Variants in NCKAP5 observed in about 807,000 individuals in gnomAD.
NCKAP5 encodes NCK associated protein 5, also known as nck-associated protein 5.
In NCKAP5, 92 loss-of-function variants were observed where a neutral mutation model predicts 167.0. The observed-to-expected ratio is 0.55, with a 90% CI of 0.47 to 0.66. The LOEUF (loss-of-function observed/expected upper bound fraction) is 0.66. Ranked by LOEUF, NCKAP5 falls within the 30% of genes least tolerant of loss-of-function variation. The pLI is 0.00. For synonymous variants in NCKAP5, 891 were observed against 877.4 expected (o/e 1.02, Z -0.27); for missense variants, 2,378 against 2,315.0 (o/e 1.03, Z -0.56).
the NCKAP5 span, among the ~76,000 whole-genome samples, chr2:133,635,481 A>C: frequency 2.0e-5 from 3 of 152,232 alleles, no homozygotes; most frequent in Admixed American, 1.3e-4. Context: ...GACCTAACAT[A>C]GAAATAAAAC....
At chr2:132,897,183 C>G (rs1693272638) in intron 8 of NCKAP5, among the ~76,000 whole-genome samples, 1 of 152,162 alleles carries the variant, frequency 6.6e-6, no homozygotes, top group African/African-American at 2.4e-5. Flanking sequence ...ATGAGAGGGT[C>G]AGCAAACCTC....
intron 19 of NCKAP5, among the ~76,000 whole-genome samples, chr2:132,690,305 G>T (rs941074490): frequency 6.6e-6 from 1 of 152,196 alleles, no homozygotes; most frequent in South Asian, 2.1e-4. Context: ...ACTGTGTCCT[G>T]TCCAGGGCTG....
chr2:133,608,370 C>T, the NCKAP5 span, among the ~76,000 whole-genome samples: 1 of 152,146 alleles, frequency 6.6e-6, no homozygotes, highest in African/African-American at 2.4e-5. Context: ...CTTGGGTCAC[C>T]TTTATCAAAA....
chr2:133,144,001 T>C (rs2083095992), intron 5 of NCKAP5, among the ~76,000 whole-genome samples: 1 of 152,060 alleles, frequency 6.6e-6, no homozygotes, highest in Admixed American at 6.6e-5. Context: ...CATTTAAGCC[T>C]CTCCCTTTCC....
At chr2:132,901,578 A>G (rs1693632903) in intron 8 of NCKAP5, among the ~76,000 whole-genome samples, 3 of 152,222 alleles carry the variant, frequency 2.0e-5, no homozygotes, top group Admixed American at 1.3e-4. Context: ...GTGGAAACGC[A>G]TTAAGTAAAC....
At chr2:133,353,173 T>C (rs1684481334) in intron 3 of NCKAP5, among the ~76,000 whole-genome samples, 1 of 152,152 alleles carries the variant, frequency 6.6e-6, no homozygotes, top group Non-Finnish European at 1.5e-5. Flanking sequence ...AGAGCATTAG[T>C]ATTGGGACTT....
At chr2:133,299,158 T>C (rs1193105404) in intron 4 of NCKAP5, among the ~76,000 whole-genome samples, 1 of 152,204 alleles carries the variant, frequency 6.6e-6, no homozygotes, top group Non-Finnish European at 1.5e-5. Context: ...AAATAGAATA[T>C]TCTCTATTAC....
At chr2:133,172,108 A>T (rs2084273900) in intron 5 of NCKAP5, among the ~76,000 whole-genome samples, 1 of 152,222 alleles carries the variant, frequency 6.6e-6, no homozygotes, top group South Asian at 2.1e-4. Flanking sequence ...CCCCAACTAT[A>T]TACCTATTTA....
At chr2:132,781,882 C>G (rs567025032) in intron 14 of NCKAP5, 58 bp downstream of exon 14, 1 of 1,505,668 alleles carries the variant, frequency 6.6e-7, no homozygotes, top group Middle Eastern at 1.8e-4. Context: ...GCAAACAACT[C>G]TTTTAAAGGT....
intron 10 of NCKAP5, among the ~76,000 whole-genome samples, chr2:132,863,041 C>T (rs1003052247): frequency 6.6e-6 from 1 of 151,972 alleles, no homozygotes; most frequent in Non-Finnish European, 1.5e-5. Context: ...AGGCTGGTCT[C>T]GAACTCCTGA....
intron 16 of NCKAP5, among the ~76,000 whole-genome samples, chr2:132,761,082 C>A (rs1172215604): frequency 6.6e-6 from 1 of 152,204 alleles, no homozygotes; most frequent in South Asian, 2.1e-4. Flanking sequence ...GTTAAGACAG[C>A]GTTAAGGCTG....
chr2:132,837,563 T>G (rs1367899795), intron 11 of NCKAP5, among the ~76,000 whole-genome samples: 1 of 152,078 alleles, frequency 6.6e-6, no homozygotes, highest in Non-Finnish European at 1.5e-5. Flanking sequence ...GTACAATTTT[T>G]TTTTTGCATT....
In NCKAP5 at chr2:132,862,967, A is replaced by T. The variant is rs192253107; in HGVS notation, c.688-2356T>A. ...CTCCTGAGTAGCTGGGACTACAGGCATGTGCCACCACGCCTGGCTAATTTT... is the reference window on the plus strand; with the variant it reads ...CTCCTGAGTAGCTGGGACTACAGGCTTGTGCCACCACGCCTGGCTAATTTT... On this transcript the variant is annotated intron_variant, in intron 10 of 19. Transcript: ENST00000409261. Among the ~76,000 whole-genome samples the T allele has an allele frequency of 8.6e-4, 131 of 152,104 alleles. 4 individuals are homozygous for T. The East Asian group carries it at 0.025, about 30-fold the overall frequency.
chr2:133,453,419 C>G (rs1242264553), intron 3 of NCKAP5, among the ~76,000 whole-genome samples: 1 of 152,056 alleles, frequency 6.6e-6, no homozygotes, highest in South Asian at 2.1e-4. Context: ...AAATATTGTG[C>G]ACAGCATTGA....
chr2:133,221,939 C>T (rs900267101), intron 4 of NCKAP5, among the ~76,000 whole-genome samples: 2 of 152,136 alleles, frequency 1.3e-5, no homozygotes, highest in Non-Finnish European at 2.9e-5. Context: ...GATTTTATTC[C>T]AGGTCACTTC....
chr2:133,240,554 T>G (rs765216115), intron 4 of NCKAP5, among the ~76,000 whole-genome samples: 4 of 152,248 alleles, frequency 2.6e-5, no homozygotes, highest in Non-Finnish European at 4.4e-5. Flanking sequence ...GGGATGCTTA[T>G]TCAGTGAGTC....
intron 3 of NCKAP5, among the ~76,000 whole-genome samples, chr2:133,361,361 A>C (rs1457951483): frequency 6.6e-6 from 1 of 152,222 alleles, no homozygotes; most frequent in East Asian, 1.9e-4. Flanking sequence ...TTCCTTAAGC[A>C]GAGCTGCAAA....
At chr2:132,981,747 GC>G (rs1291974169) in intron 7 of NCKAP5, among the ~76,000 whole-genome samples, 14 of 152,276 alleles carry the variant, frequency 9.2e-5, no homozygotes, top group Non-Finnish European at 1.9e-4. Flanking sequence ...GGTTGATACA[GC>G]AAACCCTCAG....
At chr2:132,808,594 G>A (rs578206805) in intron 11 of NCKAP5, among the ~76,000 whole-genome samples, 3 of 152,144 alleles carry the variant, frequency 2.0e-5, no homozygotes, top group East Asian at 1.9e-4. Context: ...TTTCAGTGGC[G>A]TCAGTTGTAA....
Sources: gnomAD v4.1 joint callset for allele counts (sites outside exome capture counted in the v4.1 genomes callset) on GRCh38, gnomAD v4.1.1 for gene constraint, MANE v1.5 for transcripts, NCBI Gene and HGNC (gene_info 2026-07-23, HGNC 2026-07-21) for gene names.